ACOT12: variants seen among roughly 807,000 people sequenced by gnomAD.
ACOT12 encodes acyl-CoA thioesterase 12.
Under a neutral mutation model 67.7 loss-of-function variants are expected in ACOT12, and 51 were observed. That is an observed-to-expected ratio of 0.75 (90% CI 0.60 to 0.95). ACOT12 has a LOEUF of 0.95. Ranked by LOEUF, ACOT12 falls within the 40% of genes least tolerant of loss-of-function variation. The probability of loss-of-function intolerance (pLI) is 0.00; values close to 1 mark genes in which losing one functional copy is unlikely to be tolerated. For synonymous variants in ACOT12, 251 were observed against 244.6 expected (o/e 1.03, Z -0.24); for missense variants, 734 against 708.1 (o/e 1.04, Z -0.41).
the ACOT12 span, chr5:81,311,360 C>G: frequency 3.6e-6 from 5 of 1,372,134 alleles, no homozygotes. Context: ...ATTAATAACT[C>G]AATTGGGATA....
rs547467872 is a variant in ACOT12, at chr5:81,330,742, A to G, written c.1518+72T>C. 82 of 1,578,128 alleles carry G rather than the reference A, an allele frequency of 5.2e-5. No individual in the cohort carries two copies. The East Asian group carries it at 8.7e-4, about 17-fold the overall frequency. ...TTACAAGATTACAATTAATTAGGAC[A>G]TCTGGGTAAATTAAGAGATTTTTCG... On this transcript the variant is annotated intron_variant, in intron 14 of 14. Transcript: ENST00000307624.
At chr5:81,370,174 T>G (rs1312173560) in intron 3 of ACOT12, among the ~76,000 whole-genome samples, 9 of 152,080 alleles carry the variant, frequency 5.9e-5, no homozygotes. Flanking sequence ...CTCGGGAGGC[T>G]GAGGCAGGAG....
At chr5:81,308,967 G>A in the ACOT12 span, 1 of 1,613,296 alleles carries the variant, frequency 6.2e-7, no homozygotes, top group Non-Finnish European at 8.5e-7. Context: ...TTTGCAAAAT[G>A]TTTTGTTTGT....
intron 13 of ACOT12, 42 bp downstream of exon 13, chr5:81,332,435 A>G: frequency 2.5e-6 from 4 of 1,604,550 alleles, no homozygotes; most frequent in Non-Finnish European, 2.6e-6. Context: ...TCTATCCTAT[A>G]CTATGAAATA....
At chr5:81,309,351 T>C in the ACOT12 span, among the ~76,000 whole-genome samples, 1 of 152,238 alleles carries the variant, frequency 6.6e-6, no homozygotes, top group Admixed American at 6.5e-5. Context: ...CAAGCTAATA[T>C]GAGGTTTTTA....
At chr5:81,342,471 G>A in intron 11 of ACOT12, among the ~76,000 whole-genome samples, 1 of 152,134 alleles carries the variant, frequency 6.6e-6, no homozygotes, top group Non-Finnish European at 1.5e-5. Flanking sequence ...AGAGGTAGGA[G>A]CATGTTGGGT....
In ACOT12 at chr5:81,359,953, T is replaced by C. The variant is rs1247906408; in HGVS notation, c.446A>G (p.Gln149Arg). The C allele has an allele frequency of 1.2e-6, 2 of 1,612,856 alleles. No homozygotes were observed. Among genetic ancestry groups the C allele is most frequent in the Non-Finnish European group, 1.7e-6 (2 of 1,179,688 alleles). The change falls in exon 5 of 15, where the codon CAA (glutamine) becomes CGA (arginine). Residue 149 changes from glutamine (Q) to arginine (R), a missense_variant. Gln to Arg is a conservative substitution (Grantham distance 43). Transcript: ENST00000307624. The part of the protein sequence containing the change: ...LAAERRKVRL[Q>R]HEDTFNNLMK... ...TAAATTGTTAAAGGTATCTTCATGT[T>C]GTAATCGAACTTTCCTTCTCTCAGC...
chr5:81,362,850 G>A lies in ACOT12; in HGVS notation c.360+938C>T, dbSNP rs140824056. ...TTTAAAAAATAGAATTAGCTGATAT[G>A]AACTTCCATTTGAAAAATAACACCC... is the stretch of plus-strand genomic sequence containing the variant. On this transcript the variant is annotated intron_variant, in intron 4 of 14. Coordinates refer to ENST00000307624, the MANE Select transcript of ACOT12 (RefSeq NM_130767.3). Among the ~76,000 whole-genome samples, 611 of 152,282 alleles carry A rather than the reference G, an allele frequency of 4.0e-3. 3 individuals carry two copies. Among genetic ancestry groups the A allele is most frequent in the African/African-American group, 0.014 (586 of 41,554 alleles).
rs1431665198 is a variant in ACOT12, at chr5:81,335,799, T to TA, written c.1230dup (p.Thr411TyrfsTer14). 6.2e-7 allele frequency: 1 copy of TA among 1,612,612 alleles called. No individual in the cohort carries two copies. The highest frequency in any genetic ancestry group is 2.2e-5 in the East Asian group (1 of 44,896). On this transcript the variant is annotated frameshift_variant, in exon 12 of 15. Transcript: ENST00000307624. LOFTEE classifies it high-confidence loss of function. ...TGGGGGTCCCACAAAGGTCGCTTTG[T>TA]AAAGTCAGACAAGAGACGATAAGCC...
chr5:81,323,083 G>GAAAAAAAAAAAAAAAA, the ACOT12 span, among the ~76,000 whole-genome samples: 2 of 104,070 alleles, frequency 1.9e-5, no homozygotes, highest in African/African-American at 3.3e-5. Context: ...ATAGCAAAAA[G>GAAAAAAAAAAAAAAAA]AAAAAAAAAA....
chr5:81,324,258 T>A, the ACOT12 span, among the ~76,000 whole-genome samples: 30 of 152,116 alleles, frequency 2.0e-4, no homozygotes, highest in Admixed American at 1.8e-3. Context: ...TAGGTTATAA[T>A]CCAGATGAGA....
intron 2 of ACOT12, among the ~76,000 whole-genome samples, chr5:81,377,504 A>G (rs1220982670): frequency 6.6e-6 from 1 of 152,192 alleles, no homozygotes; most frequent in African/African-American, 2.4e-5. Flanking sequence ...ATCCGGCAAG[A>G]GAAAGAAAGA....
In ACOT12 at chr5:81,330,538, A is replaced by G. The variant is rs760655686; in HGVS notation, c.1524T>C (p.Ser508=). Residue 508 remains serine, a synonymous_variant, in exon 15 of 15, where the codon TCT becomes TCC. Coordinates refer to ENST00000307624, the MANE Select transcript of ACOT12 (RefSeq NM_130767.3). ...HAIDSNSCIV[S]YFNHMSASIL... ...TGCTAGCAGACATATGGTTAAAGTA[A>G]GATACCTGTTTCAAAAAGAAAGTAC... 3.1e-6 allele frequency: 5 copies of G among 1,611,738 alleles called. No individual in the cohort carries two copies. In the South Asian group the frequency reaches 4.4e-5, roughly 14 times the overall value.
chr5:81,314,740 G>A, the ACOT12 span, among the ~76,000 whole-genome samples: 1 of 152,200 alleles, frequency 6.6e-6, no homozygotes, highest in Admixed American at 6.5e-5. Context: ...CTGAATAATG[G>A]ACAGGAGACT....
At chr5:81,344,295 T>C in intron 8 of ACOT12, 80 bp from the exon 9 acceptor site, 11 of 1,399,238 alleles carry the variant, frequency 7.9e-6, no homozygotes, top group Non-Finnish European at 1.1e-5. Flanking sequence ...TAAGTATCCT[T>C]CTCCTAAATC....
At position 81,335,660 on chromosome 5, in the gene ACOT12, T is replaced by C; in HGVS notation, c.1262+108A>G. 14 of 1,345,042 alleles carry C rather than the reference T, an allele frequency of 1.0e-5. 1 individual carries two copies. The South Asian group carries it at 2.1e-4, about 20-fold the overall frequency. The allele number at this position is 1,345,042 out of a possible 1,614,324, so 83.3% of individuals were successfully genotyped here. On this transcript the variant is annotated intron_variant, in intron 12 of 14. Transcript: ENST00000307624. ...CTGGGTCAAACTTCTAAAAATACTC[T>C]TTAAACAATGGGTCACACATTGGAC...
At chr5:81,373,587 C>T (rs1206899381) in intron 2 of ACOT12, among the ~76,000 whole-genome samples, 1 of 152,214 alleles carries the variant, frequency 6.6e-6, no homozygotes, top group Non-Finnish European at 1.5e-5. Context: ...GGGTCCCACG[C>T]TCACGGAGCC....
chr5:81,312,539 T>C, the ACOT12 span: 1 of 1,608,686 alleles, frequency 6.2e-7, no homozygotes, highest in African/African-American at 1.3e-5. Flanking sequence ...TCTATTCCTT[T>C]ACAGAGCGAA....
chr5:81,371,253 G>T lies in ACOT12; in HGVS notation c.258+497C>A, dbSNP rs534617386. Among the ~76,000 whole-genome samples the T allele has an allele frequency of 9.3e-3, 1,410 of 151,882 alleles. 12 individuals are homozygous for T. The highest frequency in any genetic ancestry group is 0.019 in the South Asian group (90 of 4,802). ...ATGTTTAAATGTGTTGGTTTTTTTT[G>T]TTGTTGTTGTTTCTTAAGAGACAAA... On this transcript the variant is annotated intron_variant, in intron 3 of 14. Coordinates refer to ENST00000307624, the MANE Select transcript of ACOT12 (RefSeq NM_130767.3).
Sources: gnomAD v4.1 joint callset for allele counts (sites outside exome capture counted in the v4.1 genomes callset) on GRCh38, gnomAD v4.1.1 for gene constraint, MANE v1.5 for transcripts, NCBI Gene and HGNC (gene_info 2026-07-23, HGNC 2026-07-21) for gene names.